LPP: variants seen among roughly 807,000 people sequenced by gnomAD.
The protein encoded by LPP is lipoma-preferred partner.
In LPP, 38 loss-of-function variants were observed where a neutral mutation model predicts 60.4. The ratio of observed to expected loss-of-function variants is 0.63; its 90% confidence interval spans 0.49 to 0.83. The LOEUF (loss-of-function observed/expected upper bound fraction) is 0.83. Ranked by LOEUF, LPP falls within the 40% of genes least tolerant of loss-of-function variation. The probability of loss-of-function intolerance (pLI) is 0.00; values close to 1 mark genes in which losing one functional copy is unlikely to be tolerated. For synonymous variants in LPP, 328 were observed against 290.8 expected (o/e 1.13, Z -1.30); for missense variants, 902 against 783.6 (o/e 1.15, Z -1.80).
At chr3:188,429,587 A>G (rs938819144) in intron 4 of LPP, among the ~76,000 whole-genome samples, 1 of 152,162 alleles carries the variant, frequency 6.6e-6, no homozygotes, top group Non-Finnish European at 1.5e-5. Flanking sequence ...CTGCTCCTGA[A>G]ACCTACCTTT....
intron 2 of LPP, among the ~76,000 whole-genome samples, chr3:188,289,108 C>A (rs182083273): frequency 2.6e-5 from 4 of 152,054 alleles, no homozygotes; most frequent in Non-Finnish European, 1.5e-5. Flanking sequence ...TGAAAATGGA[C>A]AACTGAAGCT....
chr3:188,481,931 C>G (rs1309460903), intron 4 of LPP, among the ~76,000 whole-genome samples: 5 of 152,116 alleles, frequency 3.3e-5, no homozygotes, highest in Admixed American at 3.3e-4. Flanking sequence ...TATGGTTTAG[C>G]TCTGTGTCCC....
intron 7 of LPP, among the ~76,000 whole-genome samples, chr3:188,647,254 T>C (rs1027800507): frequency 1.3e-5 from 2 of 152,242 alleles, no homozygotes; most frequent in African/African-American, 4.8e-5. Flanking sequence ...GGATGCCAGC[T>C]GTGGTCCTCA....
chr3:188,218,961 C>T (rs1714741029), intron 1 of LPP, among the ~76,000 whole-genome samples: 1 of 148,646 alleles, frequency 6.7e-6, no homozygotes, highest in Non-Finnish European at 1.5e-5. Context: ...GAATACAGCT[C>T]AATTTTCAAC....
intron 4 of LPP, among the ~76,000 whole-genome samples, chr3:188,407,416 A>G (rs1783768754): frequency 6.6e-6 from 1 of 152,190 alleles, no homozygotes; most frequent in South Asian, 2.1e-4. Context: ...GTGTAAGGTG[A>G]ACACCTAGGT....
intron 6 of LPP, among the ~76,000 whole-genome samples, chr3:188,586,354 T>C (rs1837441573): frequency 6.6e-6 from 1 of 152,142 alleles, no homozygotes; most frequent in South Asian, 2.1e-4. Context: ...GATTATGGTT[T>C]AGTGAGAGAA....
chr3:188,532,905 A>T (rs1280380882), intron 6 of LPP, among the ~76,000 whole-genome samples: 2 of 152,188 alleles, frequency 1.3e-5, no homozygotes, highest in African/African-American at 4.8e-5. Context: ...AATGCTGTTC[A>T]TCCTATAAAC....
chr3:188,334,852 A>AT (rs576726766), intron 2 of LPP, among the ~76,000 whole-genome samples: 36 of 151,794 alleles, frequency 2.4e-4, no homozygotes, highest in South Asian at 1.0e-3. Context: ...AGCGTTTCTT[A>AT]TTTTTTTTGT....
intron 9 of LPP, among the ~76,000 whole-genome samples, chr3:188,774,035 A>G (rs1736933365): frequency 6.6e-6 from 1 of 152,244 alleles, no homozygotes; most frequent in African/African-American, 2.4e-5. Context: ...ATCAAAGCTT[A>G]GAAAACCAGG....
intron 2 of LPP, among the ~76,000 whole-genome samples, chr3:188,253,716 T>C (rs953095891): frequency 2.0e-5 from 3 of 152,322 alleles, no homozygotes; most frequent in Non-Finnish European, 4.4e-5. Flanking sequence ...TCCATTTTTG[T>C]CAAAAATTAA....
intron 2 of LPP, among the ~76,000 whole-genome samples, chr3:188,288,262 A>T (rs898683698): frequency 1.3e-5 from 2 of 152,212 alleles, no homozygotes; most frequent in Non-Finnish European, 2.9e-5. Context: ...CTTGTGAGCG[A>T]CATTGGCTCA....
intron 7 of LPP, among the ~76,000 whole-genome samples, chr3:188,621,461 G>A (rs1415392017): frequency 1.3e-5 from 2 of 152,056 alleles, no homozygotes; most frequent in Admixed American, 1.3e-4. Flanking sequence ...TAGGATTATG[G>A]CCTCTAGCTC....
chr3:188,842,317 A>G (rs767550017), intron 9 of LPP, among the ~76,000 whole-genome samples: 28 of 152,200 alleles, frequency 1.8e-4, no homozygotes, highest in Non-Finnish European at 3.1e-4. Flanking sequence ...TGCCATTTGT[A>G]TGTCTTTTGA....
At chr3:188,396,037 A>AG (rs1780868516) in intron 3 of LPP, among the ~76,000 whole-genome samples, 1 of 152,234 alleles carries the variant, frequency 6.6e-6, no homozygotes, top group Non-Finnish European at 1.5e-5. Flanking sequence ...CAAACAACAC[A>AG]GTTGACAGTT....
chr3:188,571,989 A>G (rs1833646975), intron 6 of LPP, among the ~76,000 whole-genome samples: 1 of 152,072 alleles, frequency 6.6e-6, no homozygotes, highest in South Asian at 2.1e-4. Context: ...TCTGCTGTCT[A>G]TGGAGATTAG....
At chr3:188,547,060 C>T (rs80198027) in intron 6 of LPP, among the ~76,000 whole-genome samples, 33 of 152,224 alleles carry the variant, frequency 2.2e-4, no homozygotes, top group Middle Eastern at 3.4e-3. Context: ...GGATGCCTAG[C>T]GGAAGGTGCT....
intron 1 of LPP, among the ~76,000 whole-genome samples, chr3:188,166,817 T>TATGA (rs5855180): frequency 4.0e-5 from 6 of 151,308 alleles, no homozygotes; most frequent in Non-Finnish European, 7.4e-5. Flanking sequence ...TGAATGAACA[T>TATGA]ATGAATGAAT....
chr3:188,519,661 G>C (rs1818337571), intron 5 of LPP, among the ~76,000 whole-genome samples: 1 of 152,056 alleles, frequency 6.6e-6, no homozygotes, highest in Non-Finnish European at 1.5e-5. Flanking sequence ...GCATATGGGG[G>C]ATGTCGGGGG....
At chr3:188,646,016 A>ATTTC (rs1851046320) in intron 7 of LPP, among the ~76,000 whole-genome samples, 1 of 152,170 alleles carries the variant, frequency 6.6e-6, no homozygotes, top group Non-Finnish European at 1.5e-5. Context: ...CTAAACAGAG[A>ATTTC]AATAAATGAA....
Sources: allele counts gnomAD v4.1 joint callset (sites outside exome capture counted in the v4.1 genomes callset), GRCh38; gene constraint gnomAD v4.1.1; transcripts MANE v1.5; gene names NCBI Gene and HGNC (gene_info 2026-07-23, HGNC 2026-07-21).